CTCF: variants seen among roughly 807,000 people sequenced by gnomAD.
CTCF encodes the protein transcriptional repressor CTCF.
A neutral mutation model predicts 72.3 loss-of-function variants in CTCF; 7 were observed. That is an observed-to-expected ratio of 0.10 (90% CI 0.06 to 0.18). The LOEUF (loss-of-function observed/expected upper bound fraction) is 0.18. Ranked by LOEUF, CTCF falls within the 10% of genes least tolerant of loss-of-function variation. The pLI is 1.00. For missense variants in CTCF, 516 were observed against 949.1 expected, an observed-to-expected ratio of 0.54 and a Z score of 6.00; for synonymous variants, 374 against 315.8, an observed-to-expected ratio of 1.18 and a Z score of -1.95.
intron 2 of CTCF, among the ~76,000 whole-genome samples, chr16:67,604,490 C>T (rs1365128780): frequency 6.6e-6 from 1 of 151,998 alleles, no homozygotes; most frequent in African/African-American, 2.4e-5. Flanking sequence ...CTATAGGCAT[C>T]CGCCACCACG....
At chr16:67,578,558 C>T (rs1426480522) in intron 2 of CTCF, among the ~76,000 whole-genome samples, 1 of 150,398 alleles carries the variant, frequency 6.6e-6, no homozygotes, top group Non-Finnish European at 1.5e-5. Flanking sequence ...GTCTCGAACT[C>T]CTGGCCTCAA....
At chr16:67,635,840 G>A (rs964038641) in intron 10 of CTCF, among the ~76,000 whole-genome samples, 5 of 151,942 alleles carry the variant, frequency 3.3e-5, no homozygotes, top group Non-Finnish European at 7.4e-5. Flanking sequence ...TACCCAAGCT[G>A]GTCTTGAACT....
intron 2 of CTCF, among the ~76,000 whole-genome samples, chr16:67,572,774 T>C (rs181683734): frequency 2.6e-5 from 4 of 151,942 alleles, no homozygotes; most frequent in Non-Finnish European, 5.9e-5. Context: ...ACCCCATCTC[T>C]ACTAAAAATA....
intron 10 of CTCF, among the ~76,000 whole-genome samples, chr16:67,636,373 A>T (rs2052427814): frequency 6.8e-6 from 1 of 146,812 alleles, no homozygotes; most frequent in South Asian, 2.1e-4. Context: ...CTCTGTCTCA[A>T]AAAAAAAAAA....
intron 2 of CTCF, among the ~76,000 whole-genome samples, chr16:67,601,235 TGTGTGTGTGTGTGTG>T (rs1231173024): frequency 6.8e-6 from 1 of 147,896 alleles, no homozygotes; most frequent in Non-Finnish European, 1.5e-5. Context: ...TGTGTGTGTG[TGTGTGTGTGTGTGTG>T]TGTGTTTTGT....
chr16:67,586,389 T>G (rs981821078), intron 2 of CTCF, among the ~76,000 whole-genome samples: 3 of 151,984 alleles, frequency 2.0e-5, no homozygotes, highest in Admixed American at 2.0e-4. Flanking sequence ...ACAAAAAAAT[T>G]AGCTGGGCAT....
intron 6 of CTCF, 115 bp downstream of exon 6, chr16:67,620,932 A>G (rs1015733693): frequency 1.2e-6 from 1 of 804,432 alleles, no homozygotes; most frequent in African/African-American, 1.7e-5. Context: ...TGGCATGAAA[A>G]TAGTATGGAA....
Position 67,604,741 on chromosome 16 carries a change from TTTTGTTTTTTG to T in CTCF, c.-9-6079_-9-6069del, listed in dbSNP as rs1336468494. ...TTAATTTCACCAGGGTTTTTTTTTT[TTTTGTTTTTTG>T]TTTTTTTTTTTTACTTTTTAATATG... is the stretch of plus-strand genomic sequence containing the variant. On this transcript the variant is annotated intron_variant, in intron 2 of 11. Transcript: ENST00000264010. 3.7e-4 allele frequency among the ~76,000 whole-genome samples: 47 copies of T among 128,148 alleles called. 1 individual carries two copies. The highest frequency in any genetic ancestry group is 9.8e-4 in the African/African-American group (25 of 25,498). The allele number at this position is 128,148 out of a possible 152,430, so 84.1% of individuals were successfully genotyped here.
chr16:67,577,446 T>C (rs948078152), intron 2 of CTCF, among the ~76,000 whole-genome samples: 1 of 151,758 alleles, frequency 6.6e-6, no homozygotes, highest in African/African-American at 2.4e-5. Context: ...TTTTTTTTTT[T>C]TTATTTTTTG....
At chr16:67,629,314 T>C (rs1393643682) in intron 9 of CTCF, 84 bp from the exon 10 acceptor site, 1 of 1,349,230 alleles carries the variant, frequency 7.4e-7, no homozygotes, top group Non-Finnish European at 1.0e-6. Context: ...TTAGGCTTAA[T>C]ATGGATTTTA....
rs577018134 is a variant in CTCF, at chr16:67,603,850, C to T, written c.-9-6974C>T. ...AAAAAAAAAAAAAAAAATTAGAGGCCAGGCACGGTGGTTTATGCCTGTAAT... is the reference window on the plus strand; with the variant it reads ...AAAAAAAAAAAAAAAAATTAGAGGCTAGGCACGGTGGTTTATGCCTGTAAT... On this transcript the variant is annotated intron_variant, in intron 2 of 11. Coordinates refer to ENST00000264010, the MANE Select transcript of CTCF (RefSeq NM_006565.4). Among the ~76,000 whole-genome samples the T allele has an allele frequency of 4.7e-5, 7 of 149,606 alleles. No individual in the cohort carries two copies. In the South Asian group the frequency reaches 1.5e-3, roughly 32 times the overall value.
chr16:67,603,824 CAAA>C (rs35360126), intron 2 of CTCF, among the ~76,000 whole-genome samples: 2 of 93,062 alleles, frequency 2.1e-5, no homozygotes, highest in Admixed American at 1.2e-4. Context: ...GACTCTGTCT[CAAA>C]AAAAAAAAAA....
intron 10 of CTCF, among the ~76,000 whole-genome samples, chr16:67,636,327 G>A (rs947741654): frequency 6.6e-6 from 1 of 151,470 alleles, no homozygotes; most frequent in Non-Finnish European, 1.5e-5. Flanking sequence ...AGCTGAGATC[G>A]TGCCGCTGCA....
In CTCF at chr16:67,626,558, T is replaced by C; in HGVS notation, c.1361T>C (p.Val454Ala). The stretch of plus-strand genomic sequence containing the variant: ...GGGCTTTTTACTGTGCTTTCAGGTG[T>C]CCACTTGCGAAAGCAGCATTCCTAT... ...TVIARKSDLG[V>A]HLRKQHSYIE... The change falls in exon 8 of 12, where the codon GTC becomes GCC. Residue 454 changes from valine (V) to alanine (A), a missense_variant. Transcript: ENST00000264010. 1 of 1,481,082 alleles carries C rather than the reference T, an allele frequency of 6.8e-7. No individual in the cohort carries two copies. Among genetic ancestry groups the C allele is most frequent in the Non-Finnish European group, 9.0e-7 (1 of 1,108,678 alleles). 91.7% of individuals were successfully genotyped at this position (1,481,082 alleles called of 1,614,324 possible).
chr16:67,601,555 G>C (rs1166126458), intron 2 of CTCF, among the ~76,000 whole-genome samples: 1 of 151,958 alleles, frequency 6.6e-6, no homozygotes, highest in African/African-American at 2.4e-5. Context: ...TGTTAGCCAG[G>C]ATGGTCTCGA....
intron 2 of CTCF, among the ~76,000 whole-genome samples, chr16:67,578,325 C>CTTTTT (rs944395345): frequency 1.2e-4 from 10 of 84,484 alleles, no homozygotes; most frequent in African/African-American, 1.5e-4. Context: ...GTTTATGTAT[C>CTTTTT]TTTTTTTTTT....
intron 2 of CTCF, among the ~76,000 whole-genome samples, chr16:67,586,447 A>G (rs2051669740): frequency 6.6e-6 from 1 of 151,784 alleles, no homozygotes; most frequent in African/African-American, 2.4e-5. Context: ...TGAGGCAGAG[A>G]ATTGCTTGAA....
At chr16:67,623,777 C>T (rs528188949) in intron 7 of CTCF, among the ~76,000 whole-genome samples, 4 of 152,038 alleles carry the variant, frequency 2.6e-5, no homozygotes, top group South Asian at 4.2e-4. Flanking sequence ...TAGCCGGGCA[C>T]GGTGGCTCAC....
intron 2 of CTCF, among the ~76,000 whole-genome samples, chr16:67,589,179 C>G (rs1301499390): frequency 6.6e-6 from 1 of 152,078 alleles, no homozygotes; most frequent in Non-Finnish European, 1.5e-5. Context: ...CCTGTAGTGT[C>G]CCAACTACCC....
Sources: gnomAD v4.1 joint callset for allele counts (sites outside exome capture counted in the v4.1 genomes callset) on GRCh38, gnomAD v4.1.1 for gene constraint, MANE v1.5 for transcripts, NCBI Gene and HGNC (gene_info 2026-07-23, HGNC 2026-07-21) for gene names.